Variants in PTPDC1 observed in about 807,000 individuals in gnomAD.
The protein encoded by PTPDC1 is protein tyrosine phosphatase domain-containing protein 1.
In PTPDC1, 53 loss-of-function variants were observed where a neutral mutation model predicts 75.3. The observed-to-expected ratio is 0.70, with a 90% CI of 0.56 to 0.88. The LOEUF (loss-of-function observed/expected upper bound fraction) is 0.88. Ranked by LOEUF, PTPDC1 falls within the 40% of genes least tolerant of loss-of-function variation. The probability of loss-of-function intolerance (pLI) is 0.00; values close to 1 mark genes in which losing one functional copy is unlikely to be tolerated. For missense variants in PTPDC1, 925 were observed against 998.6 expected (o/e 0.93, Z 0.99); for synonymous variants, 349 against 366.2 (o/e 0.95, Z 0.54).
At chr9:94,081,282 G>A (rs1826875230), upstream of PTPDC1, among the ~76,000 whole-genome samples, 1 of 152,142 alleles carries the variant, frequency 6.6e-6, no homozygotes, top group Non-Finnish European at 1.5e-5. Context: ...GAGCCACCAT[G>A]CCCAGCCAAG....
At chr9:94,059,226 A>G (rs4744310) in intron 1 of PTPDC1, among the ~76,000 whole-genome samples, 87,271 of 152,074 alleles carry the variant, frequency 0.57, 25,423 homozygotes, top group Admixed American at 0.69. Context: ...ATATGATAGT[A>G]ATAACAATTG....
At chr9:94,044,477 G>A (rs2118420600) in intron 1 of PTPDC1, among the ~76,000 whole-genome samples, 1 of 152,136 alleles carries the variant, frequency 6.6e-6, no homozygotes, top group South Asian at 2.1e-4. Context: ...ACAGGCCCCA[G>A]TGTATGTTGT....
intron 1 of PTPDC1, among the ~76,000 whole-genome samples, chr9:94,041,790 C>G (rs1825433421): frequency 6.6e-6 from 1 of 152,146 alleles, no homozygotes; most frequent in Non-Finnish European, 1.5e-5. Context: ...ATTCCCTGCT[C>G]TAGCCCTAAA....
At chr9:94,092,119 C>T (rs1320085543) in intron 4 of PTPDC1, among the ~76,000 whole-genome samples, 2 of 151,640 alleles carry the variant, frequency 1.3e-5, no homozygotes, top group Non-Finnish European at 2.9e-5. Context: ...TTCTTGCCTT[C>T]TGCTAGCTTT....
At chr9:94,079,541 G>C (rs1178380845), upstream of PTPDC1, among the ~76,000 whole-genome samples, 1 of 152,152 alleles carries the variant, frequency 6.6e-6, no homozygotes, top group Non-Finnish European at 1.5e-5. Flanking sequence ...TCTTTCCTTG[G>C]TTCTCTCTGG....
chr9:94,083,298 C>T (rs1826950295), upstream of PTPDC1, among the ~76,000 whole-genome samples: 1 of 152,142 alleles, frequency 6.6e-6, no homozygotes, highest in African/African-American at 2.4e-5. Flanking sequence ...TCTTCCATGG[C>T]TGCATTCTAA....
chr9:94,063,927 A>T (rs140527238), intron 1 of PTPDC1, among the ~76,000 whole-genome samples: 1 of 152,320 alleles, frequency 6.6e-6, no homozygotes, highest in African/African-American at 2.4e-5. Context: ...TTTGCCAAGA[A>T]AATTATTAAA....
At chr9:94,097,255 G>C in intron 5 of PTPDC1, 66 bp from the exon 6 acceptor site, 1 of 1,030,348 alleles carries the variant, frequency 9.7e-7, no homozygotes, top group East Asian at 2.4e-5. Flanking sequence ...TCATCAAAGA[G>C]TGATAAATAA....
chr9:94,089,142 A>G (rs1328617313), intron 4 of PTPDC1, among the ~76,000 whole-genome samples: 3 of 147,310 alleles, frequency 2.0e-5, no homozygotes, highest in Non-Finnish European at 4.5e-5. Flanking sequence ...GGTTAGTTAC[A>G]TATGTATACA....
Position 94,097,631 on chromosome 9 carries a change from G to A in PTPDC1, c.1065G>A (p.Glu355=). Residue 355 remains glutamate, a synonymous_variant, in exon 6 of 9, where the codon GAG becomes GAA. Transcript: ENST00000620992. Reference sequence around the variant, plus strand: ...GCAAATTGCTGCTGGACTTAGCGGAGAACAGGCCAGTGATGATGAAGGATG... The same window carrying A: ...GCAAATTGCTGCTGGACTTAGCGGAAAACAGGCCAGTGATGATGAAGGATG... ...LVCKLLLDLA[E]NRPVMMKDVS... is the part of the protein sequence containing the mutation. 1 of 1,614,044 alleles carries A rather than the reference G, an allele frequency of 6.2e-7. No homozygotes were observed. Among genetic ancestry groups the A allele is most frequent in the Non-Finnish European group, 8.5e-7 (1 of 1,180,040 alleles).
chr9:94,098,923 G>A (rs2118071810), intron 6 of PTPDC1, among the ~76,000 whole-genome samples: 1 of 152,336 alleles, frequency 6.6e-6, no homozygotes, highest in Admixed American at 6.5e-5. Flanking sequence ...ATCTTTATGA[G>A]GCCTGGCAGA....
intron 2 of PTPDC1, among the ~76,000 whole-genome samples, chr9:94,070,122 C>T (rs1826462029): frequency 6.6e-6 from 1 of 152,176 alleles, no homozygotes; most frequent in South Asian, 2.1e-4. Flanking sequence ...CACGCCTGGC[C>T]AATACTTTCA....
intron 1 of PTPDC1, among the ~76,000 whole-genome samples, chr9:94,047,343 G>A (rs1487874110): frequency 5.3e-5 from 8 of 152,138 alleles, no homozygotes; most frequent in South Asian, 2.1e-4. Context: ...TTGGTATCAA[G>A]ATGATGCTGG....
At chr9:94,066,848 A>G (rs1238449455) in intron 2 of PTPDC1, among the ~76,000 whole-genome samples, 2 of 152,070 alleles carry the variant, frequency 1.3e-5, no homozygotes, top group African/African-American at 4.8e-5. Context: ...GTGAGCCACC[A>G]TGCCCGGCCA....
chr9:94,097,201 T>C (rs1186010237), intron 5 of PTPDC1, 120 bp from the exon 6 acceptor site: 3 of 698,856 alleles, frequency 4.3e-6, no homozygotes, highest in Non-Finnish European at 7.1e-6. Flanking sequence ...CCTTAAAATG[T>C]GTCTCTATTT....
chr9:94,073,226 A>G (rs1587871618), intron 2 of PTPDC1, among the ~76,000 whole-genome samples: 2 of 152,286 alleles, frequency 1.3e-5, no homozygotes, highest in African/African-American at 4.8e-5. Context: ...TGTCTCATTC[A>G]TCTTGGTTGA....
In PTPDC1 at chr9:94,053,351, T is replaced by C. The variant is rs143108101; in HGVS notation, c.-6-11383T>C. Among the ~76,000 whole-genome samples, 388 of 151,484 alleles carry C rather than the reference T, an allele frequency of 2.6e-3. 1 individual carries two copies. The highest frequency in any genetic ancestry group is 4.7e-3 in the Admixed American group (72 of 15,242). On this transcript the variant is annotated intron_variant, in intron 1 of 9. Transcript: ENST00000375360. ...TGTTGCCTGGCTTCCTCTGGGGTGATTTGGAAAAAAAAAGGAATTTTATAT... is the reference window on the plus strand; with the variant it reads ...TGTTGCCTGGCTTCCTCTGGGGTGACTTGGAAAAAAAAAGGAATTTTATAT...
At chr9:94,066,201 A>G (rs1349186958) in intron 2 of PTPDC1, among the ~76,000 whole-genome samples, 1 of 152,152 alleles carries the variant, frequency 6.6e-6, no homozygotes, top group Non-Finnish European at 1.5e-5. Flanking sequence ...TACCACCTGT[A>G]TTGTGATCCA....
At chr9:94,074,199 A>G (rs1189561149) in intron 2 of PTPDC1, among the ~76,000 whole-genome samples, 1 of 152,148 alleles carries the variant, frequency 6.6e-6, no homozygotes, top group Non-Finnish European at 1.5e-5. Flanking sequence ...GCCAGGAGCC[A>G]GGTGAGTGTA....
Sources: gnomAD v4.1 joint callset for allele counts (sites outside exome capture counted in the v4.1 genomes callset) on GRCh38, gnomAD v4.1.1 for gene constraint, MANE v1.5 for transcripts, NCBI Gene and HGNC (gene_info 2026-07-23, HGNC 2026-07-21) for gene names.